PARP1: variants seen among roughly 807,000 people sequenced by gnomAD.
PARP1 encodes poly [ADP-ribose] polymerase 1.
Under a neutral mutation model 118.7 loss-of-function variants are expected in PARP1, and 44 were observed. The observed-to-expected ratio is 0.37, with a 90% CI of 0.29 to 0.48. The LOEUF is 0.48. Ranked by LOEUF, PARP1 falls within the 20% of genes least tolerant of loss-of-function variation. The pLI is 0.99. For missense variants in PARP1, 1,100 were observed against 1,272.4 expected (o/e 0.86, Z 2.06); for synonymous variants, 492 against 483.2 (o/e 1.02, Z -0.24).
intron 2 of PARP1, among the ~76,000 whole-genome samples, chr1:226,396,472 G>A (rs1488061211): frequency 1.3e-5 from 2 of 150,718 alleles, no homozygotes; most frequent in African/African-American, 4.9e-5. Flanking sequence ...CAATTCTGCA[G>A]GAAAGAAAGA....
At chr1:226,391,591 T>A (rs893910246) in intron 3 of PARP1, among the ~76,000 whole-genome samples, 2 of 152,232 alleles carry the variant, frequency 1.3e-5, no homozygotes, top group South Asian at 2.1e-4. Context: ...AGCAATTCCA[T>A]GTTTTTCTTT....
At chr1:226,395,644 AAAAAAAC>A (rs1664899275) in intron 2 of PARP1, among the ~76,000 whole-genome samples, 1 of 152,184 alleles carries the variant, frequency 6.6e-6, no homozygotes, top group Non-Finnish European at 1.5e-5. Flanking sequence ...CTCTGTCTCA[AAAAAAAC>A]AAAAAACAAA....
At chr1:226,374,090 A>C in intron 14 of PARP1, 136 bp downstream of exon 14, 1 of 1,017,746 alleles carries the variant, frequency 9.8e-7, no homozygotes, top group Non-Finnish European at 1.5e-6. Flanking sequence ...TTAAGATTGA[A>C]GGACAGGTAC....
At chr1:226,397,759 A>G (rs1427843086) in intron 2 of PARP1, among the ~76,000 whole-genome samples, 1 of 152,164 alleles carries the variant, frequency 6.6e-6, no homozygotes, top group Non-Finnish European at 1.5e-5. Context: ...TACCCAACCT[A>G]AAGACTTACT....
intron 14 of PARP1, chr1:226,371,075 A>C (rs528295794): frequency 6.4e-6 from 1 of 157,390 alleles, no homozygotes; most frequent in African/African-American, 2.4e-5. Context: ...GCTACTGCTC[A>C]TATCTTGGGA....
chr1:226,394,861 C>A (rs1447542572), intron 2 of PARP1, among the ~76,000 whole-genome samples: 14 of 152,190 alleles, frequency 9.2e-5, no homozygotes, highest in Non-Finnish European at 1.8e-4. Flanking sequence ...TACCTAACTT[C>A]TCTGTGCCTG....
rs562768643 is a variant in PARP1 at position 226,366,911 on chromosome 1, A to G, written c.2406+569T>C. On this transcript the variant is annotated intron_variant, in intron 17 of 22. Coordinates refer to ENST00000366794, the MANE Select transcript of PARP1 (RefSeq NM_001618.4). ...GACAATGGGGCACATGAGTGTGGAG[A>G]TAGGCTCAAGGACCGGGCCATCTAG... is the stretch of plus-strand genomic sequence containing the variant. 1.8e-3 allele frequency: 321 copies of G among 182,730 alleles called. 1 individual carries two copies. The highest frequency in any genetic ancestry group is 7.2e-3 in the African/African-American group (303 of 42,088). The allele number at this position is 182,730 out of a possible 1,614,324, so 11.3% of individuals were successfully genotyped here.
chr1:226,404,735 T>C (rs1308467891), intron 1 of PARP1, among the ~76,000 whole-genome samples: 1 of 152,256 alleles, frequency 6.6e-6, no homozygotes, highest in East Asian at 1.9e-4. Flanking sequence ...ACTCCATTTG[T>C]TAGCTGCACA....
At position 226,385,639 on chromosome 1, in the gene PARP1, G is replaced by A; in HGVS notation, c.876C>T (p.Leu292=). The change falls in exon 7 of 23, where the codon CTC becomes CTT. Residue 292 remains leucine (L), a synonymous_variant. Coordinates refer to ENST00000366794, the MANE Select transcript of PARP1 (RefSeq NM_001618.4). The part of the protein sequence containing the change: ...RVADGMVFGA[L]LPCEECSGQL... ...GACCCGAGCATTCCTCGCAGGGAAG[G>A]AGGGCACCGAACACCATGCCATCAG... 6.2e-7 allele frequency: 1 copy of A among 1,614,162 alleles called. No homozygotes were observed.
chr1:226,398,087 CTA>C (rs1393596523), intron 2 of PARP1, among the ~76,000 whole-genome samples: 1 of 149,800 alleles, frequency 6.7e-6, no homozygotes, highest in Non-Finnish European at 1.5e-5. Flanking sequence ...AGAAGAAAAT[CTA>C]TATGACCTTG....
At position 226,361,203 on chromosome 1, in the gene PARP1, T is replaced by C. The variant is rs1664128459; in HGVS notation, c.*257A>G. 4 of 556,514 alleles carry C rather than the reference T, an allele frequency of 7.2e-6. No individual in the cohort carries two copies. The highest frequency in any genetic ancestry group is 1.3e-5 in the Non-Finnish European group (4 of 309,448). 34.5% of individuals were successfully genotyped at this position (556,514 alleles called of 1,614,324 possible). The stretch of plus-strand genomic sequence containing the variant: ...GCAACAGAATCTCTCTCCAGCCTTT[T>C]CTCTATGTCAGTTTTATCTACCTGG... On this transcript the variant is annotated 3_prime_UTR_variant, in exon 23 of 23. Transcript: ENST00000366794.
chr1:226,362,176 T>G, intron 21 of PARP1, 93 bp from the exon 22 acceptor site: 3 of 726,130 alleles, frequency 4.1e-6, no homozygotes, highest in Non-Finnish European at 7.3e-6. Context: ...TGGGTCCATG[T>G]GGTCTTTCTT....
At chr1:226,371,308 C>T (rs1200508524) in intron 14 of PARP1, among the ~76,000 whole-genome samples, 2 of 152,234 alleles carry the variant, frequency 1.3e-5, no homozygotes, top group Non-Finnish European at 2.9e-5. Context: ...ATAGACCCTT[C>T]TGAGCTCCCT....
chr1:226,404,484 T>G (rs978761155), intron 1 of PARP1, among the ~76,000 whole-genome samples: 3 of 152,226 alleles, frequency 2.0e-5, no homozygotes, highest in African/African-American at 4.8e-5. Flanking sequence ...GCTATGGCAC[T>G]TCTTCCTGGC....
At chr1:226,397,798 G>C (rs1344778355) in intron 2 of PARP1, among the ~76,000 whole-genome samples, 1 of 152,084 alleles carries the variant, frequency 6.6e-6, no homozygotes, top group Non-Finnish European at 1.5e-5. Flanking sequence ...ACACAGTGTG[G>C]TACTGGCAAA....
rs531027787 is a variant in PARP1, at chr1:226,369,017, C to T, written c.2155-696G>A. 2.2e-4 allele frequency among the ~76,000 whole-genome samples: 34 copies of T among 152,346 alleles called. No homozygotes were observed. In the South Asian group the frequency reaches 5.8e-3, roughly 26 times the overall value. On this transcript the variant is annotated intron_variant, in intron 15 of 22. Coordinates refer to ENST00000366794, the MANE Select transcript of PARP1 (RefSeq NM_001618.4). ...GGTCCGAAGCCCCACGCCTGCTTCT[C>T]GCTGTGACATGGACTTCACCAAGTT...
chr1:226,407,784 C>T, intron 1 of PARP1, 26 bp downstream of exon 1: 3 of 1,549,682 alleles, frequency 1.9e-6, no homozygotes, highest in Non-Finnish European at 2.6e-6. Context: ...GCGTCCCCGC[C>T]CCGCCGCCCG....
At chr1:226,385,737 C>T in intron 6 of PARP1, 57 bp from the exon 7 acceptor site, 1 of 1,474,680 alleles carries the variant, frequency 6.8e-7, no homozygotes, top group Non-Finnish European at 9.5e-7. Context: ...AAAAAGGACA[C>T]TTACTAATGT....
chr1:226,394,521 C>G (rs889224007), intron 2 of PARP1, among the ~76,000 whole-genome samples: 1 of 152,176 alleles, frequency 6.6e-6, no homozygotes, highest in African/African-American at 2.4e-5. Flanking sequence ...AACTGCACAT[C>G]TTAGAATTAA....
Sources: allele counts gnomAD v4.1 joint callset (sites outside exome capture counted in the v4.1 genomes callset), GRCh38; gene constraint gnomAD v4.1.1; transcripts MANE v1.5; gene names NCBI Gene and HGNC (gene_info 2026-07-23, HGNC 2026-07-21).